The following DNAJC9 variants were observed in gnomAD, a reference collection of about 807,000 sequenced individuals.
The protein encoded by DNAJC9 is DnaJ heat shock protein family (Hsp40) member C9.
DNAJC9 carries 18 observed loss-of-function variants against 32.4 expected under a neutral mutation model. That is an observed-to-expected ratio of 0.56 (90% CI 0.38 to 0.82). The LOEUF (loss-of-function observed/expected upper bound fraction) is 0.82. Ranked by LOEUF, DNAJC9 falls within the 40% of genes least tolerant of loss-of-function variation. DNAJC9 has a pLI of 0.00. For synonymous variants in DNAJC9, 113 were observed against 122.1 expected (o/e 0.93, Z 0.49); for missense variants, 310 against 321.8 (o/e 0.96, Z 0.28).
downstream of DNAJC9, chr10:73,240,845 A>C (rs1305386296): frequency 1.4e-6 from 1 of 711,418 alleles, no homozygotes; most frequent in Non-Finnish European, 2.5e-6. Context: ...ACCTTAAGAA[A>C]GTCCAATTCA....
chr10:73,241,114 G>A (rs557461159), downstream of DNAJC9: 73 of 771,156 alleles, frequency 9.5e-5, no homozygotes, highest in African/African-American at 9.0e-5. Flanking sequence ...ATAGAAGATC[G>A]ACTAGAAATC....
downstream of DNAJC9, among the ~76,000 whole-genome samples, chr10:73,240,127 C>T (rs1473519609): frequency 6.6e-6 from 1 of 152,116 alleles, no homozygotes; most frequent in Non-Finnish European, 1.5e-5. Context: ...GCTATGTTGC[C>T]CAGGCTGCAG....
downstream of DNAJC9, chr10:73,235,261 A>G (rs538621504): frequency 1.3e-6 from 2 of 1,552,106 alleles, no homozygotes; most frequent in South Asian, 1.2e-5. Flanking sequence ...AGCAGCCACA[A>G]GAAAGGCTCC....
downstream of DNAJC9, chr10:73,234,939 T>C: frequency 5.2e-6 from 8 of 1,551,938 alleles, no homozygotes; most frequent in Non-Finnish European, 7.0e-6. Flanking sequence ...CAAAGACAGA[T>C]GGTATGTTTC....
downstream of DNAJC9, chr10:73,241,097 A>G: frequency 1.2e-6 from 1 of 833,530 alleles, no homozygotes; most frequent in South Asian, 1.4e-5. Context: ...AGTGATGCAG[A>G]GCTTGTATAG....
intron 2 of DNAJC9, 129 bp downstream of exon 2, chr10:73,246,559 T>G (rs2044012482): frequency 2.7e-6 from 3 of 1,113,604 alleles, no homozygotes; most frequent in South Asian, 3.0e-5. Flanking sequence ...TATCTGTATT[T>G]CAAGGCCAAA....
At chr10:73,241,879 A>C (rs530230127), downstream of DNAJC9, 19 of 152,244 alleles carry the variant, frequency 1.2e-4, no homozygotes, top group Non-Finnish European at 2.8e-4. Flanking sequence ...CATATCCTAT[A>C]AACAGCAGGA....
chr10:73,238,952 T>C (rs1270400650), downstream of DNAJC9: 1 of 166,364 alleles, frequency 6.0e-6, no homozygotes. Flanking sequence ...AGGCTGGTTG[T>C]TTTAAATGAA....
chr10:73,246,981 G>T (rs532140169), intron 1 of DNAJC9, 29 bp downstream of exon 1: 32 of 1,547,812 alleles, frequency 2.1e-5, no homozygotes, highest in Non-Finnish European at 2.7e-5. Context: ...CCGCGCAGCC[G>T]GTCGGCTTCG....
chr10:73,246,877 C>A (rs775954432), intron 1 of DNAJC9, 49 bp from the exon 2 acceptor site: 1 of 1,609,274 alleles, frequency 6.2e-7, no homozygotes, highest in African/African-American at 1.3e-5. Context: ...CCCACCGAAA[C>A]GGCGGCGCGA....
At chr10:73,246,964 G>T (rs1452461199) in intron 1 of DNAJC9, 46 bp downstream of exon 1, 1 of 1,554,576 alleles carries the variant, frequency 6.4e-7, no homozygotes, top group East Asian at 2.3e-5. Context: ...AAAGGCTAGG[G>T]GGAGGCCCGC....
chr10:73,247,110 G>A lies in DNAJC9; in HGVS notation c.80C>T (p.Ser27Phe), dbSNP rs2044024005. Reference sequence around the variant, plus strand: ...GTAGCCTCGTCGGACCTCGCCGTCGGAGGCCTCGCGTCGCACGCCCAGCAC... The same window carrying A: ...GTAGCCTCGTCGGACCTCGCCGTCGAAGGCCTCGCGTCGCACGCCCAGCAC... Reference protein sequence around the residue: ...YRVLGVRREASDGEVRRGYHK... With the variant: ...YRVLGVRREAFDGEVRRGYHK... The change falls in exon 1 of 5, where the codon TCC becomes TTC. Residue 27 changes from serine to phenylalanine, a missense_variant. Physicochemically the swap from Ser to Phe is radical, Grantham distance 155. Coordinates refer to ENST00000372950, the MANE Select transcript of DNAJC9 (RefSeq NM_015190.5). The A allele has an allele frequency of 6.3e-7, 1 of 1,595,432 alleles. No individual in the cohort carries two copies. The highest frequency in any genetic ancestry group is 8.5e-7 in the Non-Finnish European group (1 of 1,171,982).
At chr10:73,245,707 A>C (rs937797596) in intron 3 of DNAJC9, among the ~76,000 whole-genome samples, 2 of 152,248 alleles carry the variant, frequency 1.3e-5, no homozygotes, top group African/African-American at 4.8e-5. Context: ...GTAATATTTA[A>C]ACAATCTATG....
At chr10:73,245,504 G>A (rs989104569) in intron 3 of DNAJC9, among the ~76,000 whole-genome samples, 21 of 151,306 alleles carry the variant, frequency 1.4e-4, no homozygotes, top group African/African-American at 4.4e-4. Context: ...AATCAAATTC[G>A]GGGCAAAGGC....
downstream of DNAJC9, chr10:73,241,045 T>G: frequency 7.7e-7 from 1 of 1,306,408 alleles, no homozygotes; most frequent in East Asian, 2.5e-5. Flanking sequence ...TCTATCAGGC[T>G]GCAGGAAACA....
rs1417716587 is a variant in DNAJC9, at chr10:73,246,893, A to G, written c.181-65T>C. 40 of 1,608,692 alleles carry G rather than the reference A, an allele frequency of 2.5e-5. 1 individual carries two copies. In the South Asian group the frequency reaches 4.4e-4, roughly 18 times the overall value. On this transcript the variant is annotated intron_variant, in intron 1 of 4. Transcript: ENST00000372950. ...CCACCGAAACGGCGGCGCGAGAAAT[A>G]AAGATCAGAAGGCGCCAAGCGGAGC...
At chr10:73,241,449 CAG>C (rs1404173266), downstream of DNAJC9, 1 of 183,416 alleles carries the variant, frequency 5.5e-6, no homozygotes, top group Non-Finnish European at 1.2e-5. Context: ...GAGTTGTACT[CAG>C]TTTTAAGTCA....
chr10:73,245,460 A>G (rs1420643695), intron 3 of DNAJC9, among the ~76,000 whole-genome samples: 2 of 151,872 alleles, frequency 1.3e-5, no homozygotes, highest in Non-Finnish European at 2.9e-5. Context: ...TAAAAAAAAA[A>G]AAAAGAAAAG....
chr10:73,233,133 C>T lies in DNAJC9; in HGVS notation n.147+10710G>A, dbSNP rs1253801118. The T allele has an allele frequency of 1.5e-5, 24 of 1,551,614 alleles. 3 individuals carry two copies. In the South Asian group the frequency reaches 1.9e-4, roughly 12 times the overall value. On this transcript the variant is annotated intron_variant and non_coding_transcript_variant, in intron 2 of 2. Transcript: ENST00000469143. ...CATTCATGTGCTGAAACACCAAGAT[C>T]TGTGGAAGAAATCCTCAGAGGAGCC...
Sources: gnomAD v4.1 joint callset for allele counts (sites outside exome capture counted in the v4.1 genomes callset) on GRCh38, gnomAD v4.1.1 for gene constraint, MANE v1.5 for transcripts, NCBI Gene and HGNC (gene_info 2026-07-23, HGNC 2026-07-21) for gene names.